The following SUCO variants were observed in gnomAD, a reference collection of about 807,000 sequenced individuals.
The protein encoded by SUCO is SUN domain containing ossification factor.
In SUCO, 57 loss-of-function variants were observed where a neutral mutation model predicts 148.1. That is an observed-to-expected ratio of 0.38 (90% CI 0.31 to 0.48). The LOEUF (loss-of-function observed/expected upper bound fraction) is 0.48, where lower values mean the gene tolerates loss of function less well. Among genes scored for constraint, SUCO ranks in the 20% least tolerant of loss-of-function variants. The pLI is 0.96. For missense variants in SUCO, 1,331 were observed against 1,468.2 expected (o/e 0.91, Z 1.53); for synonymous variants, 470 against 502.7 (o/e 0.93, Z 0.87).
intron 19 of SUCO, among the ~76,000 whole-genome samples, chr1:172,599,157 G>A (rs370023486): frequency 7.6e-4 from 116 of 152,086 alleles, no homozygotes; most frequent in African/African-American, 2.6e-3. Context: ...GTGAAACCCC[G>A]TCTCTACTAA....
At chr1:172,547,934 G>A (rs548518858) in intron 1 of SUCO, among the ~76,000 whole-genome samples, 36 of 152,174 alleles carry the variant, frequency 2.4e-4, no homozygotes, top group African/African-American at 7.7e-4. Context: ...GGATGAGTGA[G>A]CATGGGCAAA....
chr1:172,602,321 C>A lies in SUCO; in HGVS notation c.3173+103C>A. 2.2e-6 allele frequency: 3 copies of A among 1,386,086 alleles called. No individual in the cohort carries two copies. In the East Asian group the frequency reaches 7.6e-5, roughly 35 times the overall value. The allele number at this position is 1,386,086 out of a possible 1,614,324, so 85.9% of individuals were successfully genotyped here. A position where few individuals can be genotyped will look rare whatever the true frequency, so the allele number is the denominator to read the frequency against. Reference sequence around the variant, plus strand: ...AAGGGAGACTGAGGTAATTTCTTTCCCTATATGATTATCTTGAAACCAAAA... The same window carrying A: ...AAGGGAGACTGAGGTAATTTCTTTCACTATATGATTATCTTGAAACCAAAA... On this transcript the variant is annotated intron_variant, in intron 21 of 23. Coordinates refer to ENST00000263688, the MANE Select transcript of SUCO (RefSeq NM_014283.5).
chr1:172,533,195 G>A lies in SUCO; in HGVS notation c.-241G>A. The A allele has an allele frequency of 1.3e-6, 2 of 1,507,094 alleles. No homozygotes were observed. Among genetic ancestry groups the A allele is most frequent in the Non-Finnish European group, 8.9e-7 (1 of 1,128,284 alleles). The allele number at this position is 1,507,094 out of a possible 1,614,324, so 93.4% of individuals were successfully genotyped here. A position where few individuals can be genotyped will look rare whatever the true frequency, so the allele number is the denominator to read the frequency against. ...GCAGGAGGCGGGCGTGGACGAGCCG[G>A]TGGCTGCAGCGGCGGCGGTCCCCGG... On this transcript the variant is annotated 5_prime_UTR_variant, in exon 1 of 24. In the 5' UTR this introduces an upstream ATG that the reference lacks. Coordinates refer to ENST00000263688, the MANE Select transcript of SUCO (RefSeq NM_014283.5).
chr1:172,594,543 T>G (rs992291861), intron 19 of SUCO, among the ~76,000 whole-genome samples: 1 of 152,186 alleles, frequency 6.6e-6, no homozygotes, highest in Non-Finnish European at 1.5e-5. Context: ...ATGTACCCAG[T>G]AGTCATTCAG....
intron 1 of SUCO, among the ~76,000 whole-genome samples, chr1:172,549,391 G>A (rs1296234360): frequency 6.6e-6 from 1 of 151,496 alleles, no homozygotes; most frequent in African/African-American, 2.4e-5. Context: ...ATTCTTTATT[G>A]CACATTAATG....
At chr1:172,539,886 T>C (rs967799941) in intron 1 of SUCO, among the ~76,000 whole-genome samples, 3 of 152,186 alleles carry the variant, frequency 2.0e-5, no homozygotes, top group African/African-American at 7.2e-5. Flanking sequence ...ATTGTGAGAC[T>C]TGAGCTCTGT....
Position 172,555,902 on chromosome 1 carries a change from G to A in SUCO, c.322G>A (p.Val108Met), listed in dbSNP as rs116122588. ...TESKKLSPPV[V>M]ETLPTVDLHE... ...GTCAAAAAAGTTAAGTCCACCGGTG[G>A]TGGAGACACTCCCTACAGTTGATTT... The change falls in exon 4 of 24, where the codon GTG becomes ATG. Residue 108 changes from valine to methionine, a missense_variant. Physicochemically the swap from Val to Met is conservative, Grantham distance 21. Coordinates refer to ENST00000263688, the MANE Select transcript of SUCO (RefSeq NM_014283.5). The A allele has an allele frequency of 1.3e-5, 21 of 1,612,588 alleles. No individual in the cohort carries two copies. The East Asian group carries it at 3.3e-4, about 26-fold the overall frequency.
rs995757708 is a variant in SUCO at position 172,533,259 on chromosome 1, C to G, written c.-177C>G. ...GCCCCTGTCCGCGCCTCTGTGGGGC[C>G]CTCAGAGAGGGCTGCCAGGACGCGA... On this transcript the variant is annotated 5_prime_UTR_variant, in exon 1 of 24. Transcript: ENST00000263688. The G allele has an allele frequency of 6.5e-7, 1 of 1,548,988 alleles. No homozygotes were observed.
chr1:172,571,457 T>C (rs1027859831), intron 9 of SUCO, among the ~76,000 whole-genome samples: 1 of 151,914 alleles, frequency 6.6e-6, no homozygotes, highest in Non-Finnish European at 1.5e-5. Context: ...AGTGCCAAGA[T>C]TGCAGCCTGT....
chr1:172,558,454 C>G (rs890654540), intron 6 of SUCO, among the ~76,000 whole-genome samples: 2 of 151,324 alleles, frequency 1.3e-5, no homozygotes, highest in Non-Finnish European at 2.9e-5. Flanking sequence ...ATAAACTTAA[C>G]AAAAACAAAA....
chr1:172,570,179 T>A lies in SUCO; in HGVS notation c.981+8T>A, dbSNP rs947576054. The A allele has an allele frequency of 6.4e-7, 1 of 1,550,720 alleles. No homozygotes were observed. Among genetic ancestry groups the A allele is most frequent in the African/African-American group, 1.4e-5 (1 of 72,252 alleles). ...GCTAATCCAGAAGCCAAGGTAGGTGTTTAAATATAAAATTTTGTATATATA... is the reference window on the plus strand; with the variant it reads ...GCTAATCCAGAAGCCAAGGTAGGTGATTAAATATAAAATTTTGTATATATA... On this transcript the variant is annotated splice_region_variant and intron_variant, in intron 8 of 23. Coordinates refer to ENST00000263688, the MANE Select transcript of SUCO (RefSeq NM_014283.5).
At chr1:172,581,221 A>C (rs1291656235) in intron 15 of SUCO, among the ~76,000 whole-genome samples, 1 of 152,186 alleles carries the variant, frequency 6.6e-6, no homozygotes, top group Non-Finnish European at 1.5e-5. Flanking sequence ...TCTTGTTTAG[A>C]TACTTCTGTT....
chr1:172,547,021 C>T (rs969405343), intron 1 of SUCO, among the ~76,000 whole-genome samples: 1 of 152,214 alleles, frequency 6.6e-6, no homozygotes, highest in Non-Finnish European at 1.5e-5. Flanking sequence ...AGAATATTCT[C>T]ATCACCCTAG....
chr1:172,555,467 G>C, intron 3 of SUCO: 1 of 945,252 alleles, frequency 1.1e-6, no homozygotes, highest in Non-Finnish European at 1.3e-6. Context: ...TTATATCGTT[G>C]CTTATTGATA....
At chr1:172,546,081 G>A (rs1336636673) in intron 1 of SUCO, among the ~76,000 whole-genome samples, 3 of 152,126 alleles carry the variant, frequency 2.0e-5, no homozygotes, top group African/African-American at 7.2e-5. Flanking sequence ...GACCAGAGGT[G>A]TGCGCCACCA....
intron 1 of SUCO, chr1:172,542,893 T>G (rs1357571455): frequency 1.0e-6 from 1 of 985,282 alleles, no homozygotes; most frequent in African/African-American, 1.7e-5. Context: ...TAGATAAGTT[T>G]GGAGAGCTTG....
rs1222437291 is a variant in SUCO at position 172,533,426 on chromosome 1, G to A, written c.-10G>A. On this transcript the variant is annotated 5_prime_UTR_variant, in exon 1 of 24. Transcript: ENST00000263688. ...TGCCGCCTTCTGGCAGGGGGAAGAA[G>A]GAGGAGAAGATGAAGAAGCACCGGC... is the stretch of plus-strand genomic sequence containing the variant. 8 of 1,558,022 alleles carry A rather than the reference G, an allele frequency of 5.1e-6. No individual in the cohort carries two copies. The African/African-American group carries it at 9.5e-5, about 19-fold the overall frequency.
intron 3 of SUCO, chr1:172,555,491 A>C (rs1653671787): frequency 5.8e-6 from 5 of 856,080 alleles, no homozygotes; most frequent in Non-Finnish European, 7.0e-6. Context: ...ATTATTTCCT[A>C]AACTGCTCAG....
intron 5 of SUCO, 91 bp downstream of exon 5, chr1:172,557,508 TTTGA>T (rs1653837433): frequency 5.2e-6 from 8 of 1,541,538 alleles, no homozygotes; most frequent in Middle Eastern, 1.7e-4. Context: ...TAAATTCCAC[TTTGA>T]TTGAGAGAAA....
Sources: allele counts gnomAD v4.1 joint callset (sites outside exome capture counted in the v4.1 genomes callset), GRCh38; gene constraint gnomAD v4.1.1; transcripts MANE v1.5; gene names NCBI Gene and HGNC (gene_info 2026-07-23, HGNC 2026-07-21).